The following CEP104 variants were observed in gnomAD, a reference collection of about 807,000 sequenced individuals.
CEP104 encodes the protein centrosomal protein 104, also known as centrosomal protein of 104 kDa.
CEP104 carries 84 observed loss-of-function variants against 113.3 expected under a neutral mutation model. That is an observed-to-expected ratio of 0.74 (90% CI 0.62 to 0.89). CEP104 has a LOEUF of 0.89. Among genes scored for constraint, CEP104 ranks in the 40% least tolerant of loss-of-function variants. The pLI, the probability that CEP104 is intolerant of heterozygous loss-of-function variation, is 0.00. For synonymous variants in CEP104, 378 were observed against 421.7 expected, an observed-to-expected ratio of 0.90 and a Z score of 1.27; for missense variants, 1,053 against 1,156.6, an observed-to-expected ratio of 0.91 and a Z score of 1.30.
intron 20 of CEP104, among the ~76,000 whole-genome samples, chr1:3,822,514 T>G (rs1269720612): frequency 6.6e-6 from 1 of 152,232 alleles, no homozygotes; most frequent in African/African-American, 2.4e-5. Flanking sequence ...AACTGGGTCC[T>G]GAGCAGGGCC....
chr1:3,848,550 G>C (rs1644551333), intron 3 of CEP104, 58 bp downstream of exon 3: 19 of 891,104 alleles, frequency 2.1e-5, no homozygotes, highest in Middle Eastern at 2.8e-4. Flanking sequence ...AAAAAAAAGA[G>C]CTTTCAGGTA....
At chr1:3,837,987 T>C (rs960772478) in intron 8 of CEP104, among the ~76,000 whole-genome samples, 2 of 152,236 alleles carry the variant, frequency 1.3e-5, no homozygotes, top group African/African-American at 4.8e-5. Context: ...ACACTAGGCA[T>C]GGTACTGAGT....
chr1:3,815,070 G>A lies in CEP104; in HGVS notation c.*332C>T, dbSNP rs1643857733. 3 of 264,628 alleles carry A rather than the reference G, an allele frequency of 1.1e-5. No homozygotes were observed. The highest frequency in any genetic ancestry group is 2.0e-5 in the Non-Finnish European group (3 of 151,018). 16.4% of individuals were successfully genotyped at this position (264,628 alleles called of 1,614,324 possible). A position where few individuals can be genotyped will look rare whatever the true frequency, so the allele number is the denominator to read the frequency against. ...GCGGGACCGTGCCTGTGCTGACCGT[G>A]GCCTTGCGCGAGCGCCTCCCGGCGG... On this transcript the variant is annotated 3_prime_UTR_variant, in exon 22 of 22. Transcript: ENST00000378230.
Position 3,845,327 on chromosome 1 carries a change from T to A in CEP104, c.451A>T (p.Ile151Phe). The change falls in exon 5 of 22, where the codon ATT becomes TTT. Residue 151 changes from isoleucine to phenylalanine, a missense_variant. Ile to Phe is a conservative substitution (Grantham distance 21). Coordinates refer to ENST00000378230, the MANE Select transcript of CEP104 (RefSeq NM_014704.4). ...TCACTGAAATCTGCAGGGTCTCCAA[T>A]GATATTTATGGCAACCAAAGCAACC... is the stretch of plus-strand genomic sequence containing the variant. The part of the protein sequence containing the change: ...NQVALVAINI[I>F]GDPADFSDES... The A allele has an allele frequency of 6.2e-7, 1 of 1,609,092 alleles. No individual in the cohort carries two copies. The highest frequency in any genetic ancestry group is 8.5e-7 in the Non-Finnish European group (1 of 1,176,278).
intron 16 of CEP104, 133 bp from the exon 17 acceptor site, chr1:3,826,569 G>A (rs1003436658): frequency 4.7e-6 from 6 of 1,277,130 alleles, no homozygotes; most frequent in Middle Eastern, 1.9e-4. Context: ...GCTGGGAGAT[G>A]GCTGAGGTGC....
At chr1:3,827,111 C>T (rs1375732003) in intron 15 of CEP104, among the ~76,000 whole-genome samples, 1 of 152,178 alleles carries the variant, frequency 6.6e-6, no homozygotes, top group Non-Finnish European at 1.5e-5. Context: ...GAGATCATGC[C>T]ACTGCAGTTT....
Position 3,819,012 on chromosome 1 carries a change from G to A in CEP104, c.2572-2642C>T, listed in dbSNP as rs1019271807. 3.3e-5 allele frequency among the ~76,000 whole-genome samples: 5 copies of A among 152,098 alleles called. No individual in the cohort carries two copies. The highest frequency in any genetic ancestry group is 1.3e-4 in the Admixed American group (2 of 15,258). On this transcript the variant is annotated intron_variant, in intron 20 of 21. Transcript: ENST00000378230. This position sits in a 1 kb window ranked among gnomAD's most constrained non-coding sequence, Gnocchi z 4.6. ...TCACATTTGAATCTCAGATCCACTC[G>A]GAGCTTTCTTCTGAGCAGTGTGGAG...
intron 11 of CEP104, 24 bp downstream of exon 11, chr1:3,834,901 C>G (rs1162424852): frequency 6.4e-7 from 1 of 1,559,222 alleles, no homozygotes; most frequent in Non-Finnish European, 8.7e-7. Context: ...CACGCTGGAG[C>G]CAGCGCCAGC....
intron 17 of CEP104, among the ~76,000 whole-genome samples, chr1:3,826,129 C>T (rs1279240983): frequency 2.6e-5 from 4 of 152,150 alleles, no homozygotes; most frequent in South Asian, 2.1e-4. Flanking sequence ...AACGGGCGAA[C>T]GATCCTTCTG....
chr1:3,836,128 T>C (rs1460675948), intron 10 of CEP104, among the ~76,000 whole-genome samples: 1 of 151,846 alleles, frequency 6.6e-6, no homozygotes, highest in Non-Finnish European at 1.5e-5. Flanking sequence ...GGTGAAACTC[T>C]ATCTCTACTA....
intron 3 of CEP104, among the ~76,000 whole-genome samples, chr1:3,848,302 G>A (rs1026971781): frequency 2.0e-5 from 3 of 152,020 alleles, no homozygotes; most frequent in Non-Finnish European, 4.4e-5. Flanking sequence ...GGAGGTCGAG[G>A]CGGGCGGATC....
intron 1 of CEP104, among the ~76,000 whole-genome samples, chr1:3,852,666 C>T (rs1026989134): frequency 6.6e-6 from 1 of 152,116 alleles, no homozygotes; most frequent in Non-Finnish European, 1.5e-5. Context: ...AAAGTTTGAC[C>T]AGTGCTGTGG....
At chr1:3,815,687 CT>C (rs1024929711) in intron 21 of CEP104, among the ~76,000 whole-genome samples, 170 bp from the exon 22 acceptor site, 1 of 100,752 alleles carries the variant, frequency 9.9e-6, no homozygotes, top group African/African-American at 6.0e-5. Flanking sequence ...CTTCAGCTTC[CT>C]ATTTTTTTTT....
At position 3,822,214 on chromosome 1, in the gene CEP104, T is replaced by TGAGA. The variant is rs61301856; in HGVS notation, c.2571+956_2571+959dup. Among the ~76,000 whole-genome samples, 629 of 151,804 alleles carry TGAGA rather than the reference T, an allele frequency of 4.1e-3. 2 individuals are homozygous for TGAGA. The highest frequency in any genetic ancestry group is 6.8e-3 in the Non-Finnish European group (462 of 67,900). On this transcript the variant is annotated intron_variant, in intron 20 of 21. Coordinates refer to ENST00000378230, the MANE Select transcript of CEP104 (RefSeq NM_014704.4). ...GTACTCTGTGATGCATTTCAAACTC[T>TGAGA]GAGAGAGAGAGAGACTGACAGACAG...
intron 12 of CEP104, among the ~76,000 whole-genome samples, chr1:3,831,478 T>A (rs936867432): frequency 6.6e-6 from 1 of 152,232 alleles, no homozygotes; most frequent in African/African-American, 2.4e-5. Context: ...ACTGAAAGCT[T>A]TTCAGAAGCG....
Position 3,823,579 on chromosome 1 carries a change from A to G in CEP104, c.2365-17T>C. The stretch of plus-strand genomic sequence containing the variant: ...CTCGACCACCTGGATTTCGAAATAC[A>G]GAGCAAAGCATGTTGCTGAGAAAGC... On this transcript the variant is annotated splice_polypyrimidine_tract_variant and intron_variant, in intron 18 of 21. Coordinates refer to ENST00000378230, the MANE Select transcript of CEP104 (RefSeq NM_014704.4). This position sits in a 1 kb window ranked among gnomAD's most constrained non-coding sequence, Gnocchi z 4.1. The G allele has an allele frequency of 6.2e-7, 1 of 1,614,194 alleles. No individual in the cohort carries two copies. Among genetic ancestry groups the G allele is most frequent in the Non-Finnish European group, 8.5e-7 (1 of 1,180,040 alleles).
In CEP104 at chr1:3,844,915, C is replaced by T. The variant is rs2275822; in HGVS notation, c.558G>A (p.Thr186=). The change falls in exon 6 of 22, where the codon ACG becomes ACA. Residue 186 remains threonine, a synonymous_variant. Transcript: ENST00000378230. ...GGGAGCAGGACTCTTACCTGGCGTA[C>T]GTTCCTTCTAGAGCAGGGTCCTCGC... ...HNSEDPALEG[T]YARKSDYISP... The T allele has an allele frequency of 0.41, 666,543 of 1,610,982 alleles. 141,050 individuals carry two copies. Among genetic ancestry groups the T allele is most frequent in the Admixed American group, 0.44 (26,527 of 59,954 alleles).
At chr1:3,845,985 A>C (rs1644498775) in intron 4 of CEP104, among the ~76,000 whole-genome samples, 1 of 150,220 alleles carries the variant, frequency 6.7e-6, no homozygotes, top group Non-Finnish European at 1.5e-5. Context: ...AGGCTGAGGC[A>C]GGAGAATTGT....
At chr1:3,838,632 C>A (rs1447911160) in intron 8 of CEP104, among the ~76,000 whole-genome samples, 2 of 152,200 alleles carry the variant, frequency 1.3e-5, no homozygotes, top group African/African-American at 4.8e-5. Flanking sequence ...CCTTACAACA[C>A]TGAGGGGTCA....
Sources: gnomAD v4.1 joint callset for allele counts (sites outside exome capture counted in the v4.1 genomes callset) on GRCh38, gnomAD v4.1.1 for gene constraint, Gnocchi (gnomAD v3.1) non-coding constraint, MANE v1.5 for transcripts, NCBI Gene and HGNC (gene_info 2026-07-23, HGNC 2026-07-21) for gene names.